The following SEMA5A variants were observed in gnomAD, a reference collection of about 807,000 sequenced individuals.
SEMA5A encodes semaphorin-5A.
In SEMA5A, 55 loss-of-function variants were observed where a neutral mutation model predicts 135.5. The ratio of observed to expected loss-of-function variants is 0.41; its 90% CI spans 0.33 to 0.51. The LOEUF is 0.51. Ranked by LOEUF, SEMA5A falls within the 20% of genes least tolerant of loss-of-function variation. The probability of loss-of-function intolerance (pLI) is 0.37; values close to 1 mark genes in which losing one functional copy is unlikely to be tolerated. For synonymous variants in SEMA5A, 580 were observed against 546.5 expected, an observed-to-expected ratio of 1.06 and a Z score of -0.85; for missense variants, 1,290 against 1,419.9, an observed-to-expected ratio of 0.91 and a Z score of 1.47.
chr5:9,193,762 G>T (rs907330302), intron 10 of SEMA5A, among the ~76,000 whole-genome samples: 2 of 152,162 alleles, frequency 1.3e-5, no homozygotes, highest in African/African-American at 2.4e-5. Flanking sequence ...GCCTGGCGTG[G>T]TGGTGGGCAC....
At chr5:9,258,150 G>A (rs1009940003) in intron 5 of SEMA5A, among the ~76,000 whole-genome samples, 2 of 152,180 alleles carry the variant, frequency 1.3e-5, no homozygotes, top group African/African-American at 4.8e-5. Context: ...AAGCATTCCT[G>A]TTGATTTGAA....
intron 3 of SEMA5A, among the ~76,000 whole-genome samples, chr5:9,344,659 C>T (rs942986239): frequency 3.9e-5 from 6 of 152,112 alleles, no homozygotes; most frequent in African/African-American, 1.4e-4. Flanking sequence ...AATTTATCTC[C>T]CTCAAATGAC....
At chr5:9,164,606 A>G (rs1037844762) in intron 11 of SEMA5A, among the ~76,000 whole-genome samples, 3 of 152,148 alleles carry the variant, frequency 2.0e-5, no homozygotes, top group Admixed American at 2.0e-4. Flanking sequence ...GGAATGTCAT[A>G]GGACGTATAA....
chr5:9,123,147 A>T (rs1156536522), intron 13 of SEMA5A, among the ~76,000 whole-genome samples: 1 of 150,672 alleles, frequency 6.6e-6, no homozygotes, highest in African/African-American at 2.4e-5. Context: ...CCAGCTACTC[A>T]GGAGGCTGAG....
intron 2 of SEMA5A, among the ~76,000 whole-genome samples, chr5:9,435,421 G>A (rs1032269833): frequency 1.3e-5 from 2 of 152,058 alleles, no homozygotes; most frequent in Admixed American, 6.5e-5. Context: ...AATTTAGGTG[G>A]GACTTAGACT....
At chr5:9,504,658 C>T (rs1359819389) in intron 1 of SEMA5A, among the ~76,000 whole-genome samples, 4 of 152,180 alleles carry the variant, frequency 2.6e-5, no homozygotes, top group Non-Finnish European at 5.9e-5. Flanking sequence ...CAGCACAGAA[C>T]CCTTCCTAAA....
chr5:9,165,024 T>C (rs1207248659), intron 11 of SEMA5A, among the ~76,000 whole-genome samples: 1 of 152,134 alleles, frequency 6.6e-6, no homozygotes, highest in Non-Finnish European at 1.5e-5. Context: ...CATGAGTGCA[T>C]GAACAATGAA....
chr5:9,504,216 A>AAAAAAAG, intron 1 of SEMA5A, among the ~76,000 whole-genome samples: 1 of 148,728 alleles, frequency 6.7e-6, no homozygotes, highest in African/African-American at 2.5e-5. Context: ...CCGTCTCAAA[A>AAAAAAAG]AAAAAAAGAA....
intron 5 of SEMA5A, among the ~76,000 whole-genome samples, chr5:9,314,729 C>G (rs1752316777): frequency 6.6e-6 from 1 of 152,240 alleles, no homozygotes; most frequent in African/African-American, 2.4e-5. Context: ...GAATTGCCAG[C>G]CTTCTCTCTC....
chr5:9,121,619 T>A (rs931622120), intron 14 of SEMA5A, among the ~76,000 whole-genome samples: 2 of 152,228 alleles, frequency 1.3e-5, no homozygotes, highest in Admixed American at 1.3e-4. Flanking sequence ...CAGGCATCTG[T>A]GGAAATCATT....
At chr5:9,134,752 C>T (rs1040859721) in intron 13 of SEMA5A, among the ~76,000 whole-genome samples, 38 of 152,040 alleles carry the variant, frequency 2.5e-4, no homozygotes, top group African/African-American at 8.7e-4. Context: ...ATTAAAAATG[C>T]AAGATCAAAG....
At chr5:9,320,469 G>A (rs1303151586) in intron 4 of SEMA5A, among the ~76,000 whole-genome samples, 1 of 152,170 alleles carries the variant, frequency 6.6e-6, no homozygotes, top group African/African-American at 2.4e-5. Context: ...CAGCACTGTG[G>A]GAGGCCAAGG....
intron 3 of SEMA5A, among the ~76,000 whole-genome samples, chr5:9,367,925 C>CT (rs1207511523): frequency 6.6e-6 from 1 of 152,188 alleles, no homozygotes; most frequent in African/African-American, 2.4e-5. Context: ...GTGATATGCC[C>CT]ATACCCCCTT....
chr5:9,387,059 G>C (rs1755926809), intron 2 of SEMA5A, among the ~76,000 whole-genome samples: 1 of 152,220 alleles, frequency 6.6e-6, no homozygotes, highest in Admixed American at 6.5e-5. Context: ...AGATTAAACA[G>C]TGCATGTGAG....
chr5:9,126,668 A>T (rs1198436277), intron 13 of SEMA5A, among the ~76,000 whole-genome samples: 2 of 152,028 alleles, frequency 1.3e-5, no homozygotes, highest in Non-Finnish European at 2.9e-5. Context: ...TTTTGAGGGT[A>T]CTTTGGCAGG....
intron 15 of SEMA5A, among the ~76,000 whole-genome samples, chr5:9,115,387 A>G (rs1004624119): frequency 1.3e-5 from 2 of 152,192 alleles, no homozygotes. Context: ...AAGCAACTCC[A>G]AACACTTGCT....
At chr5:9,158,358 C>T (rs188261035) in intron 11 of SEMA5A, among the ~76,000 whole-genome samples, 5 of 151,906 alleles carry the variant, frequency 3.3e-5, no homozygotes, top group African/African-American at 9.7e-5. Flanking sequence ...ATATTAACTC[C>T]GAAAATTTGC....
rs1745911671 is a variant in SEMA5A, at chr5:9,204,668, A to G, written c.647-2428T>C. ...GATTTAATAACTTGTCCAAATTCAC[A>G]TAACTAGCAGTGGGGGATGGGGATG... On this transcript the variant is annotated intron_variant, in intron 8 of 22. Transcript: ENST00000382496. This position sits in a 1 kb window ranked among gnomAD's most constrained non-coding sequence, Gnocchi z 6.4. Among the ~76,000 whole-genome samples, 1 of 152,190 alleles carries G rather than the reference A, an allele frequency of 6.6e-6. No individual in the cohort carries two copies. The highest frequency in any genetic ancestry group is 2.4e-5 in the African/African-American group (1 of 41,438).
intron 1 of SEMA5A, among the ~76,000 whole-genome samples, chr5:9,501,753 C>T (rs190128356): frequency 6.6e-6 from 1 of 152,288 alleles, no homozygotes; most frequent in African/African-American, 2.4e-5. Context: ...GGGTTCCAAT[C>T]GTCACCCCAA....
Sources: allele counts gnomAD v4.1 joint callset (sites outside exome capture counted in the v4.1 genomes callset), GRCh38; gene constraint gnomAD v4.1.1; non-coding constraint Gnocchi (gnomAD v3.1); transcripts MANE v1.5; gene names NCBI Gene and HGNC (gene_info 2026-07-23, HGNC 2026-07-21).